IGF2BP2: variants seen among roughly 807,000 people sequenced by gnomAD.
The protein encoded by IGF2BP2 is insulin-like growth factor 2 mRNA-binding protein 2.
IGF2BP2 carries 17 observed loss-of-function variants against 75.8 expected under a neutral mutation model. That is an observed-to-expected ratio of 0.22 (90% CI 0.15 to 0.34). IGF2BP2 has a LOEUF of 0.34. Among genes scored for constraint, IGF2BP2 ranks in the 10% least tolerant of loss-of-function variants. The probability of loss-of-function intolerance (pLI) is 1.00; values close to 1 mark genes in which losing one functional copy is unlikely to be tolerated. For synonymous variants in IGF2BP2, 288 were observed against 295.6 expected (o/e 0.97, Z 0.26); for missense variants, 516 against 772.4 (o/e 0.67, Z 3.93).
chr3:185,790,622 T>C (rs1012041223), intron 2 of IGF2BP2, among the ~76,000 whole-genome samples: 7 of 152,234 alleles, frequency 4.6e-5, no homozygotes, highest in African/African-American at 1.7e-4. Context: ...AATTGTTTTT[T>C]CCGTGTGAAA....
chr3:185,692,045 T>A (rs1289747869), intron 5 of IGF2BP2, among the ~76,000 whole-genome samples: 1 of 152,190 alleles, frequency 6.6e-6, no homozygotes, highest in Non-Finnish European at 1.5e-5. Context: ...TCATTGTTTT[T>A]TAAGAGACTT....
intron 2 of IGF2BP2, among the ~76,000 whole-genome samples, chr3:185,778,137 A>T (rs1345923664): frequency 1.3e-5 from 2 of 152,108 alleles, no homozygotes; most frequent in African/African-American, 4.8e-5. Context: ...TCATTCATTC[A>T]TTCATTTTCC....
At chr3:185,789,811 G>A (rs931410882) in intron 2 of IGF2BP2, among the ~76,000 whole-genome samples, 4 of 140,964 alleles carry the variant, frequency 2.8e-5, no homozygotes, top group African/African-American at 8.0e-5. Flanking sequence ...CTGGCTCACT[G>A]CAACCTCCAA....
chr3:185,696,471 C>T (rs1454261555), intron 4 of IGF2BP2, 141 bp downstream of exon 4: 4 of 682,126 alleles, frequency 5.9e-6, no homozygotes, highest in African/African-American at 1.8e-5. Flanking sequence ...ATACATCTTA[C>T]ATAGATGTAA....
At chr3:185,771,864 G>A (rs1181626305) in intron 2 of IGF2BP2, among the ~76,000 whole-genome samples, 1 of 152,018 alleles carries the variant, frequency 6.6e-6, no homozygotes, top group African/African-American at 2.4e-5. Flanking sequence ...ACCCATTTTT[G>A]AGGCTATGCA....
At chr3:185,823,399 G>C in intron 1 of IGF2BP2, 186 bp from the exon 2 acceptor site, 2 of 491,016 alleles carry the variant, frequency 4.1e-6, no homozygotes, top group Non-Finnish European at 3.7e-6. Flanking sequence ...CCGTGTCTCG[G>C]GACAAGGCGA....
intron 2 of IGF2BP2, among the ~76,000 whole-genome samples, chr3:185,736,384 TATGGGGTAGAGATAATTCC>T (rs1441783949): frequency 3.3e-5 from 5 of 151,184 alleles, no homozygotes; most frequent in Non-Finnish European, 5.9e-5. Context: ...GCCTAACTCC[TATGGGGTAGAGATAATTCC>T]ATGGCCACAT....
At chr3:185,676,639 C>T (rs187813207) in intron 7 of IGF2BP2, among the ~76,000 whole-genome samples, 4 of 151,348 alleles carry the variant, frequency 2.6e-5, no homozygotes, top group East Asian at 3.9e-4. Flanking sequence ...CACACTTCTG[C>T]ACTCCAGCCT....
At position 185,782,838 on chromosome 3, in the gene IGF2BP2, C is replaced by T. The variant is rs571635724; in HGVS notation, c.239+40315G>A. On this transcript the variant is annotated intron_variant, in intron 2 of 15. Transcript: ENST00000382199. Reference sequence around the variant, plus strand: ...AGGGTGGGGACTGGGAGGTGGAAGTCGCTGGCTTTCTGGCATGGTCACCAA... The same window carrying T: ...AGGGTGGGGACTGGGAGGTGGAAGTTGCTGGCTTTCTGGCATGGTCACCAA... Among the ~76,000 whole-genome samples, 9 of 152,248 alleles carry T rather than the reference C, an allele frequency of 5.9e-5. No individual in the cohort carries two copies. In the South Asian group the frequency reaches 8.3e-4, roughly 14 times the overall value.
intron 2 of IGF2BP2, among the ~76,000 whole-genome samples, chr3:185,767,534 A>G (rs1452777514): frequency 1.3e-5 from 2 of 152,220 alleles, no homozygotes; most frequent in African/African-American, 2.4e-5. Context: ...TGCTTCACAA[A>G]TCTCCAAGAA....
chr3:185,649,656 A>T (rs541128313), intron 13 of IGF2BP2, 122 bp from the exon 14 acceptor site: 10 of 1,350,718 alleles, frequency 7.4e-6, no homozygotes, highest in South Asian at 7.1e-5. Context: ...ACTCCCTGGG[A>T]CACACAGGAA....
At chr3:185,671,466 G>A (rs981688538) in intron 10 of IGF2BP2, among the ~76,000 whole-genome samples, 4 of 151,550 alleles carry the variant, frequency 2.6e-5, no homozygotes, top group Non-Finnish European at 5.9e-5. Context: ...GAACCCAGGA[G>A]GTGGAGGTTG....
At chr3:185,703,139 C>T (rs1478296704) in intron 2 of IGF2BP2, among the ~76,000 whole-genome samples, 1 of 152,204 alleles carries the variant, frequency 6.6e-6, no homozygotes, top group Non-Finnish European at 1.5e-5. Context: ...GATTATAGCA[C>T]ACATGTGTGG....
chr3:185,716,303 G>T (rs1725601567), intron 2 of IGF2BP2: 2 of 382,472 alleles, frequency 5.2e-6, no homozygotes, highest in Non-Finnish European at 1.0e-5. Context: ...TTCTTTTAAT[G>T]ATATTTTCTG....
At chr3:185,776,963 A>C (rs1232448652) in intron 2 of IGF2BP2, among the ~76,000 whole-genome samples, 1 of 152,238 alleles carries the variant, frequency 6.6e-6, no homozygotes, top group Non-Finnish European at 1.5e-5. Context: ...TTAGATTAGG[A>C]GGTCAAGACA....
At chr3:185,737,178 G>A (rs1232711563) in intron 2 of IGF2BP2, among the ~76,000 whole-genome samples, 1 of 151,894 alleles carries the variant, frequency 6.6e-6, no homozygotes, top group Non-Finnish European at 1.5e-5. Flanking sequence ...TTAATCATCC[G>A]TTGGCCAAGC....
chr3:185,822,990 T>TAA (rs1186664988), intron 2 of IGF2BP2, among the ~76,000 whole-genome samples, 163 bp downstream of exon 2: 2 of 137,838 alleles, frequency 1.5e-5, no homozygotes, highest in Non-Finnish European at 3.2e-5. Flanking sequence ...ATAATGAAAG[T>TAA]AAAAAAAAAA....
intron 2 of IGF2BP2, among the ~76,000 whole-genome samples, chr3:185,734,948 C>T (rs1027948982): frequency 6.6e-6 from 1 of 152,150 alleles, no homozygotes; most frequent in African/African-American, 2.4e-5. Flanking sequence ...GCAGCAGCTC[C>T]CTCACACTGT....
rs1560510415 is a variant in IGF2BP2 at position 185,811,879 on chromosome 3, C to CTCTCTCT, written c.239+11273_239+11274insAGAGAGA. On this transcript the variant is annotated intron_variant, in intron 2 of 15. Coordinates refer to ENST00000382199, the MANE Select transcript of IGF2BP2 (RefSeq NM_006548.6). ...CTCTCTCTCTCTCTCTCTCTCTCTC[C>CTCTCTCT]CCCTCTCCCTGCCTGGGCATCAGAA... 2.5e-4 allele frequency among the ~76,000 whole-genome samples: 9 copies of CTCTCTCT among 35,950 alleles called. 1 individual carries two copies. The highest frequency in any genetic ancestry group is 5.2e-4 in the African/African-American group (1 of 1,932). The allele number at this position is 35,950 out of a possible 152,430, so 23.6% of individuals were successfully genotyped here.
Sources: allele counts gnomAD v4.1 joint callset (sites outside exome capture counted in the v4.1 genomes callset), GRCh38; gene constraint gnomAD v4.1.1; transcripts MANE v1.5; gene names NCBI Gene and HGNC (gene_info 2026-07-23, HGNC 2026-07-21).